The following SEC24B variants were observed in gnomAD, a reference collection of about 807,000 sequenced individuals.
The protein encoded by SEC24B is protein transport protein Sec24B.
In SEC24B, 45 loss-of-function variants were observed where a neutral mutation model predicts 142.8. That is an observed-to-expected ratio of 0.32 (90% CI 0.25 to 0.40). The LOEUF (loss-of-function observed/expected upper bound fraction) is 0.40, where lower values mean the gene tolerates loss of function less well. Ranked by LOEUF, SEC24B falls within the 10% of genes least tolerant of loss-of-function variation. SEC24B has a pLI of 1.00. For missense variants in SEC24B, 1,409 were observed against 1,526.8 expected (o/e 0.92, Z 1.29); for synonymous variants, 574 against 568.2 (o/e 1.01, Z -0.15).
At chr4:109,524,325 GA>G (rs1318427115) in intron 14 of SEC24B, among the ~76,000 whole-genome samples, 2 of 152,066 alleles carry the variant, frequency 1.3e-5, no homozygotes, top group African/African-American at 4.8e-5. Flanking sequence ...GTTGTATGAT[GA>G]TTAAGAACTT....
chr4:109,503,376 A>T (rs1019171339), intron 6 of SEC24B, among the ~76,000 whole-genome samples: 3 of 151,952 alleles, frequency 2.0e-5, no homozygotes, highest in African/African-American at 7.3e-5. Flanking sequence ...GGCGCCCGCC[A>T]CACCACACCC....
intron 22 of SEC24B, among the ~76,000 whole-genome samples, chr4:109,535,765 T>C (rs1377049459): frequency 6.6e-6 from 1 of 150,588 alleles, no homozygotes; most frequent in Non-Finnish European, 1.5e-5. Context: ...GGCAGGAGAA[T>C]GGTATGAAAC....
intron 8 of SEC24B, 28 bp downstream of exon 8, chr4:109,510,139 G>A (rs375307850): frequency 5.9e-5 from 75 of 1,272,212 alleles, no homozygotes; most frequent in Non-Finnish European, 8.3e-5. Context: ...AATATTTATG[G>A]GTACTGACAT....
chr4:109,449,424 A>T (rs1485036409), intron 1 of SEC24B: 7 of 304,120 alleles, frequency 2.3e-5, no homozygotes, highest in Admixed American at 7.9e-5. Context: ...TAGAGACGGG[A>T]TTTCACCATG....
intron 2 of SEC24B, 98 bp downstream of exon 2, chr4:109,463,742 T>C (rs1453821085): frequency 8.7e-6 from 13 of 1,490,792 alleles, no homozygotes; most frequent in Non-Finnish European, 1.2e-5. Context: ...TATTGCCTAA[T>C]AGAAAAACTG....
chr4:109,522,091 G>A (rs565896858), intron 14 of SEC24B, among the ~76,000 whole-genome samples: 1 of 146,140 alleles, frequency 6.8e-6, no homozygotes, highest in African/African-American at 2.5e-5. Flanking sequence ...TTGCTCTGTC[G>A]CCCAGGCTGG....
intron 1 of SEC24B, among the ~76,000 whole-genome samples, chr4:109,439,843 G>A (rs553188054): frequency 3.3e-5 from 5 of 151,208 alleles, no homozygotes; most frequent in African/African-American, 7.3e-5. Context: ...AAAGTAGGCC[G>A]AGCATGGTGG....
intron 3 of SEC24B, among the ~76,000 whole-genome samples, chr4:109,479,403 A>T (rs1021269373): frequency 4.6e-5 from 7 of 152,156 alleles, no homozygotes; most frequent in Non-Finnish European, 8.8e-5. Flanking sequence ...TTACCACCTT[A>T]TATATTTGAT....
In SEC24B at chr4:109,513,325, C is replaced by G. The variant is rs556788940; in HGVS notation, c.1904-422C>G. Among the ~76,000 whole-genome samples, 125 of 149,120 alleles carry G rather than the reference C, an allele frequency of 8.4e-4. 2 individuals carry two copies. The highest frequency in any genetic ancestry group is 3.0e-3 in the African/African-American group (121 of 39,740). On this transcript the variant is annotated intron_variant, in intron 9 of 23. Coordinates refer to ENST00000265175, the MANE Select transcript of SEC24B (RefSeq NM_006323.5). Reference sequence around the variant, plus strand: ...CGGAGACAGAGTCTCACTCTGTCGCCTAGGCTGGAGTGCAGTGGTGTAATC... The same window carrying G: ...CGGAGACAGAGTCTCACTCTGTCGCGTAGGCTGGAGTGCAGTGGTGTAATC...
At chr4:109,448,117 A>G (rs979258296) in intron 1 of SEC24B, among the ~76,000 whole-genome samples, 1 of 152,210 alleles carries the variant, frequency 6.6e-6, no homozygotes, top group Admixed American at 6.5e-5. Context: ...AATCTATTTT[A>G]AGGTCAGTTG....
chr4:109,463,566 C>A lies in SEC24B; in HGVS notation c.799C>A (p.Leu267Ile). The part of the protein sequence containing the change: ...YSTLTWSSPG[L>I]PSTQDNLIRN... ...TACTCTAACGTGGTCATCTCCAGGCCTTCCATCGACTCAAGACAATCTCAT... is the reference window on the plus strand; with the variant it reads ...TACTCTAACGTGGTCATCTCCAGGCATTCCATCGACTCAAGACAATCTCAT... Residue 267 changes from leucine to isoleucine, a missense_variant, in exon 2 of 24, where the codon CTT becomes ATT. Transcript: ENST00000265175. 1 of 1,614,202 alleles carries A rather than the reference C, an allele frequency of 6.2e-7. No individual in the cohort carries two copies. The highest frequency in any genetic ancestry group is 2.2e-5 in the East Asian group (1 of 44,886).
chr4:109,434,016 C>A lies in SEC24B; in HGVS notation c.133+14C>A. ...ACCAGCAGAACGGTGAGGCGGGCGGCCCGGGCGGAGCGCGGGGCCTAGCAC... is the reference window on the plus strand; with the variant it reads ...ACCAGCAGAACGGTGAGGCGGGCGGACCGGGCGGAGCGCGGGGCCTAGCAC... On this transcript the variant is annotated intron_variant, in intron 1 of 23. Coordinates refer to ENST00000265175, the MANE Select transcript of SEC24B (RefSeq NM_006323.5). 2 of 1,132,196 alleles carry A rather than the reference C, an allele frequency of 1.8e-6. No homozygotes were observed. The highest frequency in any genetic ancestry group is 2.2e-6 in the Non-Finnish European group (2 of 925,446). 70.1% of individuals were successfully genotyped at this position (1,132,196 alleles called of 1,614,324 possible). A position where few individuals can be genotyped will look rare whatever the true frequency, so the allele number is the denominator to read the frequency against.
intron 14 of SEC24B, among the ~76,000 whole-genome samples, chr4:109,522,293 C>T (rs1409140396): frequency 6.6e-6 from 1 of 152,006 alleles, no homozygotes; most frequent in Non-Finnish European, 1.5e-5. Flanking sequence ...CCTCGTGATC[C>T]GCCCACTTCA....
chr4:109,533,762 C>A, intron 22 of SEC24B, 77 bp downstream of exon 22: 1 of 899,866 alleles, frequency 1.1e-6, no homozygotes. Context: ...GTAATATTCA[C>A]CATTTTAAAA....
chr4:109,535,342 A>C (rs1347962037), intron 22 of SEC24B, among the ~76,000 whole-genome samples: 1 of 152,104 alleles, frequency 6.6e-6, no homozygotes, highest in East Asian at 1.9e-4. Context: ...TCACGAGGTC[A>C]AGAGATCAAG....
intron 1 of SEC24B, among the ~76,000 whole-genome samples, chr4:109,444,726 T>A (rs1307527464): frequency 6.6e-6 from 1 of 152,118 alleles, no homozygotes; most frequent in African/African-American, 2.4e-5. Flanking sequence ...TGGCACATGA[T>A]ATATCAGTCA....
intron 14 of SEC24B, among the ~76,000 whole-genome samples, chr4:109,522,771 G>A (rs750770504): frequency 6.6e-5 from 10 of 152,182 alleles, no homozygotes; most frequent in Non-Finnish European, 1.2e-4. Context: ...ATATATATGT[G>A]TGTGTGTTTG....
At chr4:109,511,921 C>T in intron 8 of SEC24B, 36 bp from the exon 9 acceptor site, 1 of 1,605,906 alleles carries the variant, frequency 6.2e-7, no homozygotes, top group Non-Finnish European at 8.5e-7. Flanking sequence ...CTTGGGGTGC[C>T]TTTTTCTGCT....
intron 7 of SEC24B, among the ~76,000 whole-genome samples, chr4:109,508,581 T>G (rs1317647694): frequency 1.3e-5 from 2 of 151,578 alleles, no homozygotes; most frequent in Admixed American, 6.6e-5. Context: ...AAATAAAAAA[T>G]TATTAAAAAA....
Sources: allele counts gnomAD v4.1 joint callset (sites outside exome capture counted in the v4.1 genomes callset), GRCh38; gene constraint gnomAD v4.1.1; transcripts MANE v1.5; gene names NCBI Gene and HGNC (gene_info 2026-07-23, HGNC 2026-07-21).